The following BMP5 variants were observed in gnomAD, a reference collection of about 807,000 sequenced individuals.
BMP5 encodes bone morphogenetic protein 5.
A neutral mutation model predicts 46.6 loss-of-function variants in BMP5; 23 were observed. The ratio of observed to expected loss-of-function variants is 0.49; its 90% CI spans 0.35 to 0.70. BMP5 has a LOEUF of 0.70. Ranked by LOEUF, BMP5 falls within the 30% of genes least tolerant of loss-of-function variation. BMP5 has a pLI of 0.00. For missense variants in BMP5, 545 were observed against 565.6 expected (o/e 0.96, Z 0.37); for synonymous variants, 204 against 191.9 (o/e 1.06, Z -0.52).
intron 2 of BMP5, among the ~76,000 whole-genome samples, chr6:55,800,340 T>C (rs1775816529): frequency 6.6e-6 from 1 of 152,194 alleles, no homozygotes; most frequent in Non-Finnish European, 1.5e-5. Flanking sequence ...AATTAAAATA[T>C]GTATGCGAAA....
chr6:55,779,380 G>A (rs890928118), intron 3 of BMP5, among the ~76,000 whole-genome samples: 3 of 151,924 alleles, frequency 2.0e-5, no homozygotes, highest in South Asian at 4.1e-4. Context: ...TGCAGTATCC[G>A]TTATGGACTC....
chr6:55,755,535 A>T lies in BMP5; in HGVS notation c.1363T>A (p.Ter455LysextTer2). The T allele has an allele frequency of 6.2e-7, 1 of 1,607,782 alleles. No homozygotes were observed. The highest frequency in any genetic ancestry group is 8.5e-7 in the Non-Finnish European group (1 of 1,175,116). The change falls in exon 7 of 7, where the codon TAA becomes AAA. Residue 455 changes from the stop codon to lysine (K), a stop_lost. Transcript: ENST00000370830. ...GTTATTATCAATATTATTTAATATT[A>T]GTGGCAGCCACATGAGCGTACTACC... ...NMVVRSCGCH[*>K]
intron 2 of BMP5, among the ~76,000 whole-genome samples, chr6:55,815,020 C>A (rs9396159): frequency 0.19 from 29,476 of 151,418 alleles, 3,203 homozygotes; most frequent in African/African-American, 0.28. Flanking sequence ...GTAGTCCCAG[C>A]TACTCAGGAG....
chr6:55,820,011 A>G lies in BMP5; in HGVS notation c.491-164T>C, dbSNP rs569480687. On this transcript the variant is annotated intron_variant, in intron 1 of 6. Coordinates refer to ENST00000370830, the MANE Select transcript of BMP5 (RefSeq NM_021073.4). ...TGAAACGTGTTTCCAGTTAAAGGAA[A>G]TTCCACAAACCAACAGCCTTTAGTT... is the stretch of plus-strand genomic sequence containing the variant. Among the ~76,000 whole-genome samples, 9 of 152,336 alleles carry G rather than the reference A, an allele frequency of 5.9e-5. No individual in the cohort carries two copies. The South Asian group carries it at 1.9e-3, about 32-fold the overall frequency.
At chr6:55,851,689 A>T (rs927614743) in intron 1 of BMP5, among the ~76,000 whole-genome samples, 1 of 152,218 alleles carries the variant, frequency 6.6e-6, no homozygotes, top group African/African-American at 2.4e-5. Context: ...TAAAAATAAA[A>T]ATCAACTTAA....
At chr6:55,786,665 TA>T (rs1351544288) in intron 3 of BMP5, among the ~76,000 whole-genome samples, 1 of 151,878 alleles carries the variant, frequency 6.6e-6, no homozygotes, top group East Asian at 1.9e-4. Context: ...TAATTATCCT[TA>T]AACATTAGAC....
intron 1 of BMP5, among the ~76,000 whole-genome samples, chr6:55,854,118 T>G (rs1250118790): frequency 2.0e-5 from 3 of 152,206 alleles, no homozygotes; most frequent in Admixed American, 2.0e-4. Flanking sequence ...AAGGTTTCTA[T>G]GAATTTCTAA....
chr6:55,796,481 T>C (rs1351864812), intron 2 of BMP5, among the ~76,000 whole-genome samples: 1 of 151,872 alleles, frequency 6.6e-6, no homozygotes, highest in Non-Finnish European at 1.5e-5. Context: ...TTTTTTCTTA[T>C]GGAATTTGTA....
At chr6:55,796,030 A>C (rs1172894616) in intron 2 of BMP5, among the ~76,000 whole-genome samples, 1 of 152,144 alleles carries the variant, frequency 6.6e-6, no homozygotes, top group Non-Finnish European at 1.5e-5. Flanking sequence ...GAAAATAAGA[A>C]TTGTCTTAAA....
intron 1 of BMP5, among the ~76,000 whole-genome samples, chr6:55,821,657 G>A (rs1037070048): frequency 6.6e-6 from 1 of 151,998 alleles, no homozygotes; most frequent in African/African-American, 2.4e-5. Context: ...CCTAAATAAG[G>A]ACAAAAAACC....
chr6:55,837,051 A>AC (rs1189774163), intron 1 of BMP5, among the ~76,000 whole-genome samples: 1 of 150,624 alleles, frequency 6.6e-6, no homozygotes, highest in Non-Finnish European at 1.5e-5. Context: ...TTTTAAAGTA[A>AC]CTTTTTTTTT....
intron 1 of BMP5, among the ~76,000 whole-genome samples, chr6:55,831,791 C>A (rs1197755539): frequency 2.0e-5 from 3 of 152,152 alleles, no homozygotes; most frequent in African/African-American, 7.2e-5. Flanking sequence ...GTGTTCCCAG[C>A]TCAGTGGACA....
intron 2 of BMP5, among the ~76,000 whole-genome samples, chr6:55,806,716 C>G (rs1045731309): frequency 2.6e-5 from 4 of 152,014 alleles, no homozygotes; most frequent in Non-Finnish European, 5.9e-5. Flanking sequence ...GAATGTTTTT[C>G]CATTTGTTTG....
chr6:55,865,817 T>G (rs530747310), intron 1 of BMP5, among the ~76,000 whole-genome samples: 1 of 152,124 alleles, frequency 6.6e-6, no homozygotes, highest in Non-Finnish European at 1.5e-5. Context: ...CAGTCTTAAC[T>G]CCAATTCTGT....
intron 4 of BMP5, among the ~76,000 whole-genome samples, chr6:55,769,400 A>G (rs1245840624): frequency 1.3e-5 from 2 of 151,878 alleles, no homozygotes; most frequent in Non-Finnish European, 2.9e-5. Flanking sequence ...TTGCTCAACC[A>G]TAAGAAGCAA....
At chr6:55,782,007 G>C (rs1381166170) in intron 3 of BMP5, among the ~76,000 whole-genome samples, 1 of 151,614 alleles carries the variant, frequency 6.6e-6, no homozygotes, top group Admixed American at 6.6e-5. Flanking sequence ...AAATTATTCG[G>C]CACCTAATAA....
At chr6:55,835,532 C>G (rs1776772949) in intron 1 of BMP5, among the ~76,000 whole-genome samples, 1 of 152,306 alleles carries the variant, frequency 6.6e-6, no homozygotes, top group Admixed American at 6.5e-5. Flanking sequence ...ACAAGCTGCT[C>G]AGCTTGAAAT....
chr6:55,852,591 GT>G (rs1777273065), intron 1 of BMP5, among the ~76,000 whole-genome samples: 1 of 151,826 alleles, frequency 6.6e-6, no homozygotes, highest in Non-Finnish European at 1.5e-5. Context: ...AATCCATTGT[GT>G]TTTTATTTTT....
chr6:55,817,238 T>A (rs1419692980), intron 2 of BMP5, among the ~76,000 whole-genome samples: 1 of 152,168 alleles, frequency 6.6e-6, no homozygotes, highest in South Asian at 2.1e-4. Context: ...GACCCAGCCA[T>A]CCCATTACTG....
Sources: allele counts gnomAD v4.1 joint callset (sites outside exome capture counted in the v4.1 genomes callset), GRCh38; gene constraint gnomAD v4.1.1; transcripts MANE v1.5; gene names NCBI Gene and HGNC (gene_info 2026-07-23, HGNC 2026-07-21).